NRXN1: variants seen among roughly 807,000 people sequenced by gnomAD.
The protein encoded by NRXN1 is neurexin-1.
NRXN1 carries 39 observed loss-of-function variants against 150.9 expected under a neutral mutation model. The observed-to-expected ratio is 0.26, with a 90% CI of 0.20 to 0.34. NRXN1 has a LOEUF of 0.34. Among genes scored for constraint, NRXN1 ranks in the 10% least tolerant of loss-of-function variants. NRXN1 has a pLI of 1.00. For synonymous variants in NRXN1, 924 were observed against 757.0 expected (o/e 1.22, Z -3.62); for missense variants, 1,815 against 1,949.9 (o/e 0.93, Z 1.30).
intron 2 of NRXN1, among the ~76,000 whole-genome samples, chr2:50,948,994 C>A (rs1345127513): frequency 6.6e-6 from 1 of 151,910 alleles, no homozygotes; most frequent in Non-Finnish European, 1.5e-5. Context: ...CAAAAGCTGA[C>A]AACCAGGGAG....
intron 5 of NRXN1, among the ~76,000 whole-genome samples, chr2:50,828,494 G>A (rs1405689580): frequency 6.8e-6 from 1 of 147,546 alleles, no homozygotes; most frequent in South Asian, 2.2e-4. Context: ...CAGGCGGAGG[G>A]TCTCCTCCCT....
At chr2:50,604,747 A>T (rs1410601878) in intron 8 of NRXN1, among the ~76,000 whole-genome samples, 1 of 152,194 alleles carries the variant, frequency 6.6e-6, no homozygotes, top group East Asian at 1.9e-4. Flanking sequence ...AATGTAGCAT[A>T]AATCTCTCTT....
chr2:50,435,103 T>C lies in NRXN1; in HGVS notation c.3364+30339A>G, dbSNP rs374344632. 1.1e-3 allele frequency among the ~76,000 whole-genome samples: 171 copies of C among 152,282 alleles called. 5 individuals carry two copies. The South Asian group carries it at 0.034, about 30-fold the overall frequency. On this transcript the variant is annotated intron_variant, in intron 17 of 22. Transcript: ENST00000401669. ...TAGAAACAATATAAAATACAATATA[T>C]AAAAGCATTTTAGAGACAGAAAAAA...
intron 22 of NRXN1, among the ~76,000 whole-genome samples, chr2:49,927,774 A>C (rs1050437749): frequency 6.6e-6 from 1 of 152,192 alleles, no homozygotes; most frequent in Admixed American, 6.5e-5. Flanking sequence ...CCAAGGCATT[A>C]GCATGCCATC....
intron 2 of NRXN1, among the ~76,000 whole-genome samples, chr2:51,001,096 T>C (rs1383541052): frequency 2.0e-5 from 3 of 151,860 alleles, no homozygotes; most frequent in Non-Finnish European, 4.4e-5. Flanking sequence ...GGTGAATGAA[T>C]AGATTTTTGT....
intron 17 of NRXN1, among the ~76,000 whole-genome samples, chr2:50,309,251 C>T (rs536440279): frequency 1.6e-4 from 25 of 152,182 alleles, no homozygotes; most frequent in African/African-American, 5.3e-4. Flanking sequence ...CTTATGATTC[C>T]AAATTGAAAA....
chr2:49,945,385 T>G (rs1672707417), intron 21 of NRXN1, among the ~76,000 whole-genome samples: 1 of 150,872 alleles, frequency 6.6e-6, no homozygotes, highest in Non-Finnish European at 1.5e-5. Flanking sequence ...TTTGTGGGGG[T>G]TTTCTCTTTT....
intron 2 of NRXN1, among the ~76,000 whole-genome samples, chr2:50,934,925 T>C (rs1017719842): frequency 7.2e-5 from 11 of 152,300 alleles, no homozygotes; most frequent in African/African-American, 2.6e-4. Flanking sequence ...TCATAAGTCT[T>C]TTCCTTTAGA....
chr2:50,026,088 C>T (rs1162390045), intron 21 of NRXN1, among the ~76,000 whole-genome samples: 1 of 152,090 alleles, frequency 6.6e-6, no homozygotes, highest in Non-Finnish European at 1.5e-5. Context: ...TAAAAAACTT[C>T]CTTAGAAAAT....
chr2:50,766,137 C>T (rs889085102), intron 5 of NRXN1, among the ~76,000 whole-genome samples: 7 of 151,954 alleles, frequency 4.6e-5, no homozygotes, highest in Non-Finnish European at 7.4e-5. Context: ...AAATACATTG[C>T]TTTCACATTT....
At chr2:50,608,159 A>G (rs923913401) in intron 8 of NRXN1, among the ~76,000 whole-genome samples, 6 of 152,044 alleles carry the variant, frequency 3.9e-5, no homozygotes, top group Non-Finnish European at 2.9e-5. Context: ...TATTATTTCT[A>G]AAATCTGGAT....
chr2:50,349,288 G>A (rs886658790), intron 17 of NRXN1, among the ~76,000 whole-genome samples: 2 of 152,128 alleles, frequency 1.3e-5, no homozygotes, highest in Admixed American at 6.5e-5. Context: ...GCCAGCAGAC[G>A]CAAAATCTAT....
intron 2 of NRXN1, among the ~76,000 whole-genome samples, chr2:51,025,551 G>A (rs1670311643): frequency 6.6e-6 from 1 of 152,250 alleles, no homozygotes. Context: ...TTTAAGGAAG[G>A]AAGCTATATT....
intron 17 of NRXN1, among the ~76,000 whole-genome samples, chr2:50,270,125 C>T (rs2069394013): frequency 6.6e-6 from 1 of 152,040 alleles, no homozygotes; most frequent in Non-Finnish European, 1.5e-5. Flanking sequence ...GAGAATGACT[C>T]AAAACCATGT....
chr2:50,126,839 C>T (rs1477160740), intron 18 of NRXN1, among the ~76,000 whole-genome samples: 6 of 152,040 alleles, frequency 3.9e-5, no homozygotes, highest in African/African-American at 1.4e-4. Context: ...ATAGTAATCA[C>T]ATTTTTGCCC....
At chr2:50,089,499 T>C (rs181575260) in intron 19 of NRXN1, among the ~76,000 whole-genome samples, 11 of 152,248 alleles carry the variant, frequency 7.2e-5, no homozygotes, top group South Asian at 6.2e-4. Flanking sequence ...AAAAGCACAT[T>C]TTTTAGGCTG....
chr2:50,629,975 T>C (rs1327469005), intron 5 of NRXN1, among the ~76,000 whole-genome samples: 1 of 151,702 alleles, frequency 6.6e-6, no homozygotes, highest in Non-Finnish European at 1.5e-5. Context: ...AGCAATGTTA[T>C]GATAAAATTG....
intron 18 of NRXN1, chr2:50,175,304 A>G (rs76190974): frequency 0.17 from 25,873 of 152,112 alleles, 2,655 homozygotes; most frequent in East Asian, 0.4. Context: ...CAACTGATAC[A>G]TCTGCACAAA....
chr2:51,013,807 T>C (rs928810038), intron 2 of NRXN1, among the ~76,000 whole-genome samples: 1 of 152,054 alleles, frequency 6.6e-6, no homozygotes, highest in Non-Finnish European at 1.5e-5. Context: ...CAGCACAATT[T>C]TGTTCAAATC....
Sources: gnomAD v4.1 joint callset for allele counts (sites outside exome capture counted in the v4.1 genomes callset) on GRCh38, gnomAD v4.1.1 for gene constraint, MANE v1.5 for transcripts, NCBI Gene and HGNC (gene_info 2026-07-23, HGNC 2026-07-21) for gene names.